Variants in SRFBP1 observed in about 807,000 individuals in gnomAD.
The protein encoded by SRFBP1 is serum response factor binding protein 1.
Under a neutral mutation model 45.5 loss-of-function variants are expected in SRFBP1, and 47 were observed. That is an observed-to-expected ratio of 1.03 (90% confidence interval 0.82 to 1.32). The LOEUF is 1.32. Ranked by LOEUF, SRFBP1 falls within the 40% of genes most tolerant of loss-of-function variation. The pLI is 0.00. For synonymous variants in SRFBP1, 203 were observed against 166.3 expected, an observed-to-expected ratio of 1.22 and a Z score of -1.70; for missense variants, 621 against 484.6, an observed-to-expected ratio of 1.28 and a Z score of -2.64.
At chr5:121,966,231 T>C (rs1322060508) in intron 1 of SRFBP1, among the ~76,000 whole-genome samples, 1 of 152,118 alleles carries the variant, frequency 6.6e-6, no homozygotes, top group Admixed American at 6.5e-5. Context: ...AAGTATGTTG[T>C]AAAGAGATTA....
chr5:122,039,525 G>A (rs1753740468), intron 2 of SRFBP1, among the ~76,000 whole-genome samples: 2 of 152,232 alleles, frequency 1.3e-5, no homozygotes, highest in East Asian at 3.9e-4. Flanking sequence ...CTGGCCAGTG[G>A]AATACAGGTA....
chr5:121,994,598 G>T lies in SRFBP1; in HGVS notation c.199-1G>T. 6.3e-7 allele frequency: 1 copy of T among 1,587,452 alleles called. No homozygotes were observed. Among genetic ancestry groups the T allele is most frequent in the South Asian group, 1.2e-5 (1 of 86,370 alleles). On this transcript the variant is annotated splice_acceptor_variant, in intron 3 of 7. Transcript: ENST00000339397. LOFTEE classifies it high-confidence loss of function. The stretch of plus-strand genomic sequence containing the variant: ...AATTAATTTGTTTTATTCTTTCACA[G>T]GAATTGAAACCTGACATAGTAACTA...
intron 3 of SRFBP1, among the ~76,000 whole-genome samples, chr5:121,985,247 T>A (rs571672442): frequency 1.8e-4 from 27 of 151,988 alleles, no homozygotes; most frequent in African/African-American, 6.0e-4. Context: ...ACAGTGAGTC[T>A]TAAAAGTTGA....
intron 3 of SRFBP1, among the ~76,000 whole-genome samples, chr5:121,992,538 AT>A (rs1352555789): frequency 6.6e-6 from 1 of 152,078 alleles, no homozygotes; most frequent in Non-Finnish European, 1.5e-5. Context: ...ACTTAATTAC[AT>A]CAGCAAAGTC....
chr5:122,048,416 G>A (rs191385649), intron 2 of SRFBP1, among the ~76,000 whole-genome samples: 3 of 152,280 alleles, frequency 2.0e-5, no homozygotes, highest in South Asian at 2.1e-4. Context: ...TGGTGGATAA[G>A]CTTTTTGATG....
chr5:121,977,709 G>A (rs1032774867), intron 3 of SRFBP1, among the ~76,000 whole-genome samples: 2 of 151,998 alleles, frequency 1.3e-5, no homozygotes, highest in African/African-American at 4.8e-5. Flanking sequence ...TCTTATTGAT[G>A]ACATACTATC....
At chr5:122,031,998 T>C (rs1753596327), downstream of SRFBP1, among the ~76,000 whole-genome samples, 1 of 152,206 alleles carries the variant, frequency 6.6e-6, no homozygotes, top group Non-Finnish European at 1.5e-5. Context: ...TGCATGCTAA[T>C]GAGTCTGACA....
chr5:122,070,349 C>G lies in SRFBP1; in HGVS notation n.312-4966C>G, dbSNP rs1754413914. Reference sequence around the variant, plus strand: ...TCCCCTGAAGTTCTTTAAAATAAGACAGATTAGATTAGATTAGATTGTTTA... The same window carrying G: ...TCCCCTGAAGTTCTTTAAAATAAGAGAGATTAGATTAGATTAGATTGTTTA... On this transcript the variant is annotated intron_variant and non_coding_transcript_variant, in intron 2 of 2. Transcript: ENST00000504881. The G allele has an allele frequency of 6.2e-6, 4 of 649,438 alleles. No homozygotes were observed. The South Asian group carries it at 7.8e-5, about 13-fold the overall frequency. The allele number at this position is 649,438 out of a possible 1,614,324, so 40.2% of individuals were successfully genotyped here.
downstream of SRFBP1, among the ~76,000 whole-genome samples, chr5:122,032,228 G>A (rs1374899634): frequency 6.6e-6 from 1 of 151,270 alleles, no homozygotes; most frequent in African/African-American, 2.4e-5. Context: ...GGTTCTGACA[G>A]TATTTTATTT....
intron 4 of SRFBP1, among the ~76,000 whole-genome samples, chr5:122,012,952 G>A (rs1388167895): frequency 6.6e-6 from 1 of 152,062 alleles, no homozygotes; most frequent in Non-Finnish European, 1.5e-5. Flanking sequence ...AGGAGTTTTT[G>A]CATTTCAACT....
At position 122,048,474 on chromosome 5, in the gene SRFBP1, A is replaced by G. The variant is rs1180294703; in HGVS notation, n.311+26067A>G. ...ATATTTTATTGAGGATTTTTGCATC[A>G]ATGTTCATCAAGGATATTGGTCTAA... On this transcript the variant is annotated intron_variant and non_coding_transcript_variant, in intron 2 of 2. Coordinates refer to the SRFBP1 transcript ENST00000504881. 3.9e-5 allele frequency among the ~76,000 whole-genome samples: 6 copies of G among 152,250 alleles called. No individual in the cohort carries two copies. The East Asian group carries it at 9.7e-4, about 24-fold the overall frequency.
exon 3 of SRFBP1, chr5:122,075,363 G>A (rs746591395): frequency 2.6e-6 from 4 of 1,534,470 alleles, no homozygotes; most frequent in Non-Finnish European, 3.5e-6. Context: ...CCTGAGAAAT[G>A]AAAAGCAACC....
In SRFBP1 at chr5:121,975,273, T is replaced by G. The variant is rs1752278733; in HGVS notation, c.126-42T>G. 3 of 1,596,516 alleles carry G rather than the reference T, an allele frequency of 1.9e-6. 1 individual carries two copies. The highest frequency in any genetic ancestry group is 2.2e-5 in the South Asian group (2 of 90,686). ...ATCCATTACACTATAAGTCTAAAAT[T>G]AATGCTTTGCCTGGCTACATATCGT... On this transcript the variant is annotated intron_variant, in intron 2 of 7. Transcript: ENST00000339397.
intron 2 of SRFBP1, among the ~76,000 whole-genome samples, chr5:122,072,583 A>G (rs951038874): frequency 2.2e-4 from 33 of 152,208 alleles, no homozygotes; most frequent in South Asian, 6.2e-4. Flanking sequence ...CAGCATTACA[A>G]TAAACTAATC....
intron 4 of SRFBP1, among the ~76,000 whole-genome samples, chr5:121,997,692 G>T (rs1169857977): frequency 1.1e-4 from 17 of 151,414 alleles, no homozygotes; most frequent in Admixed American, 4.6e-4. Flanking sequence ...AAGAGCTTCT[G>T]CACAGCAAAA....
intron 3 of SRFBP1, among the ~76,000 whole-genome samples, chr5:121,977,322 G>A (rs532750517): frequency 2.6e-5 from 4 of 151,916 alleles, no homozygotes; most frequent in East Asian, 3.9e-4. Context: ...GCAGGAGTTA[G>A]GGCAGGCTGG....
intron 2 of SRFBP1, among the ~76,000 whole-genome samples, chr5:122,067,899 A>G (rs1429641167): frequency 1.3e-5 from 2 of 152,038 alleles, no homozygotes; most frequent in African/African-American, 2.4e-5. Flanking sequence ...ACTCAGCCCA[A>G]AGAGACCTCT....
intron 4 of SRFBP1, among the ~76,000 whole-genome samples, chr5:121,995,491 A>C (rs2112676486): frequency 6.6e-6 from 1 of 152,290 alleles, no homozygotes; most frequent in African/African-American, 2.4e-5. Context: ...AACATACCAG[A>C]ATCTCTGGGA....
chr5:122,069,842 G>C, intron 2 of SRFBP1: 1 of 551,874 alleles, frequency 1.8e-6, no homozygotes, highest in Non-Finnish European at 3.4e-6. Flanking sequence ...TGAAAACTAA[G>C]CTTCTCCTGA....
Sources: gnomAD v4.1 joint callset for allele counts (sites outside exome capture counted in the v4.1 genomes callset) on GRCh38, gnomAD v4.1.1 for gene constraint, MANE v1.5 for transcripts, NCBI Gene and HGNC (gene_info 2026-07-23, HGNC 2026-07-21) for gene names.